Variants in WDFY1 observed in about 807,000 individuals in gnomAD.
WDFY1 encodes WD repeat and FYVE domain-containing protein 1.
In WDFY1, 32 loss-of-function variants were observed where a neutral mutation model predicts 56.4. That is an observed-to-expected ratio of 0.57 (90% confidence interval 0.43 to 0.76). The LOEUF (loss-of-function observed/expected upper bound fraction) is 0.76. Among genes scored for constraint, WDFY1 ranks in the 30% least tolerant of loss-of-function variants. WDFY1 has a pLI of 0.00. For synonymous variants in WDFY1, 192 were observed against 197.3 expected, an observed-to-expected ratio of 0.97 and a Z score of 0.23; for missense variants, 480 against 545.7, an observed-to-expected ratio of 0.88 and a Z score of 1.20.
rs749352226 is a variant in WDFY1 at position 223,945,130 on chromosome 2, G to A, written c.137+18C>T. On this transcript the variant is annotated intron_variant, in intron 1 of 11. Coordinates refer to ENST00000233055, the MANE Select transcript of WDFY1 (RefSeq NM_020830.5). ...TCGTCGCGGAGTTCGGGCCGCCCCG[G>A]CTGCGCCCGGGCCCTACCTGTCCTC... The A allele has an allele frequency of 1.3e-6, 2 of 1,575,150 alleles. No individual in the cohort carries two copies. The highest frequency in any genetic ancestry group is 1.4e-5 in the African/African-American group (1 of 71,532).
At chr2:223,926,499 A>C (rs1287718318) in intron 1 of WDFY1, among the ~76,000 whole-genome samples, 1 of 152,056 alleles carries the variant, frequency 6.6e-6, no homozygotes, top group Non-Finnish European at 1.5e-5. Flanking sequence ...CTACAGAATG[A>C]GTGTTGTATT....
At chr2:223,890,539 G>A (rs1342505043) in intron 8 of WDFY1, among the ~76,000 whole-genome samples, 1 of 152,158 alleles carries the variant, frequency 6.6e-6, no homozygotes, top group Non-Finnish European at 1.5e-5. Context: ...TTAATACTCA[G>A]AATATAGCAT....
chr2:223,943,861 G>T (rs1258724113), intron 1 of WDFY1, among the ~76,000 whole-genome samples: 2 of 152,128 alleles, frequency 1.3e-5, no homozygotes, highest in East Asian at 3.9e-4. Flanking sequence ...CACCAGCCTC[G>T]GCTTCCTCTT....
chr2:223,919,885 C>T (rs1049920247), intron 1 of WDFY1, among the ~76,000 whole-genome samples: 3 of 152,166 alleles, frequency 2.0e-5, no homozygotes, highest in Non-Finnish European at 4.4e-5. Flanking sequence ...CAGGGAGACC[C>T]TCACACACCC....
rs1689393608 is a variant in WDFY1 at position 223,945,286 on chromosome 2, T to C, written c.-2A>G. 1.9e-6 allele frequency: 3 copies of C among 1,568,598 alleles called. No homozygotes were observed. The highest frequency in any genetic ancestry group is 2.5e-5 in the East Asian group (1 of 39,942). The stretch of plus-strand genomic sequence containing the variant: ...CCTGGAGTGGATTTCGGCCGCCATG[T>C]TCGCGCGGCGACTGCTGCGGCCTCC... On this transcript the variant is annotated 5_prime_UTR_variant, in exon 1 of 12. Transcript: ENST00000233055.
chr2:223,919,280 G>A (rs1396661687), intron 1 of WDFY1, among the ~76,000 whole-genome samples: 1 of 152,128 alleles, frequency 6.6e-6, no homozygotes, highest in East Asian at 1.9e-4. Context: ...GCACGATCTC[G>A]GCTCACTGCA....
At chr2:223,909,334 A>G (rs890819273) in intron 3 of WDFY1, among the ~76,000 whole-genome samples, 1 of 152,240 alleles carries the variant, frequency 6.6e-6, no homozygotes, top group East Asian at 1.9e-4. Flanking sequence ...CTCAAGGATC[A>G]TCATTTCCCC....
intron 8 of WDFY1, among the ~76,000 whole-genome samples, chr2:223,887,104 A>G (rs114989616): frequency 1.4e-4 from 21 of 152,304 alleles, no homozygotes; most frequent in African/African-American, 5.1e-4. Flanking sequence ...ATGTGTATCT[A>G]TGTGAGAAAG....
At position 223,945,219 on chromosome 2, in the gene WDFY1, C is replaced by T. The variant is rs1392885628; in HGVS notation, c.66G>A (p.Gly22=). ...GCGCGGCCGTGACGGCGTCCTGGTG[C>T]CCCTCGATCTTGCTCAGCAGCACCG... is the stretch of plus-strand genomic sequence containing the variant. ...SRPVLLSKIE[G]HQDAVTAALL... The change falls in exon 1 of 12, where the codon GGG becomes GGA. Residue 22 remains glycine, a synonymous_variant. Transcript: ENST00000233055. 1 of 1,598,810 alleles carries T rather than the reference C, an allele frequency of 6.3e-7. No homozygotes were observed. Among genetic ancestry groups the T allele is most frequent in the South Asian group, 1.1e-5 (1 of 90,140 alleles).
At chr2:223,878,965 C>T (rs929667896) in intron 11 of WDFY1, among the ~76,000 whole-genome samples, 3 of 152,222 alleles carry the variant, frequency 2.0e-5, no homozygotes, top group Non-Finnish European at 2.9e-5. Context: ...GGGTGTAGCA[C>T]TTGAGCCCAG....
chr2:223,912,137 A>C (rs1197342584), intron 3 of WDFY1, 116 bp downstream of exon 3: 51 of 1,098,130 alleles, frequency 4.6e-5, no homozygotes, highest in Middle Eastern at 2.9e-4. Context: ...TTTTCATGCC[A>C]AACAATCGAG....
chr2:223,884,557 A>C (rs949233382), intron 9 of WDFY1, 91 bp downstream of exon 9: 13 of 1,260,754 alleles, frequency 1.0e-5, no homozygotes, highest in East Asian at 4.7e-5. Context: ...CATTTGCAAA[A>C]ACAAAGTGTG....
chr2:223,940,580 T>C (rs1165545396), intron 1 of WDFY1, among the ~76,000 whole-genome samples: 3 of 152,170 alleles, frequency 2.0e-5, no homozygotes, highest in African/African-American at 7.2e-5. Flanking sequence ...TATCATTTGC[T>C]TGTTTTGAAC....
chr2:223,910,234 T>C (rs576153936), intron 3 of WDFY1, among the ~76,000 whole-genome samples: 1 of 152,312 alleles, frequency 6.6e-6, no homozygotes, highest in East Asian at 1.9e-4. Context: ...AACCCCTCCC[T>C]GATACCACTA....
At chr2:223,944,495 C>CG (rs1170268381) in intron 1 of WDFY1, among the ~76,000 whole-genome samples, 1 of 150,810 alleles carries the variant, frequency 6.6e-6, no homozygotes, top group East Asian at 2.0e-4. Context: ...TTGAGCAGCG[C>CG]GGTGAGACAG....
intron 8 of WDFY1, 110 bp from the exon 9 acceptor site, chr2:223,884,859 C>CTTTTTTT: frequency 1.5e-6 from 1 of 689,262 alleles, no homozygotes; most frequent in South Asian, 2.0e-5. Context: ...TTCTTTTCTT[C>CTTTTTTT]TTTTTTTTTT....
At chr2:223,906,461 CACA>C (rs1251725704) in intron 3 of WDFY1, among the ~76,000 whole-genome samples, 1 of 152,128 alleles carries the variant, frequency 6.6e-6, no homozygotes, top group Admixed American at 6.6e-5. Context: ...AATATACAAA[CACA>C]ACAACAACAA....
intron 2 of WDFY1, among the ~76,000 whole-genome samples, chr2:223,916,668 T>G (rs538980270): frequency 4.6e-5 from 7 of 152,268 alleles, no homozygotes; most frequent in African/African-American, 1.4e-4. Context: ...CATTTGAACT[T>G]TGATGACATC....
intron 7 of WDFY1, 124 bp downstream of exon 7, chr2:223,895,380 C>T: frequency 7.0e-7 from 1 of 1,422,794 alleles, no homozygotes; most frequent in Middle Eastern, 2.5e-4. Flanking sequence ...GAACTGAGCC[C>T]TATCAATGAT....
Sources: allele counts gnomAD v4.1 joint callset (sites outside exome capture counted in the v4.1 genomes callset), GRCh38; gene constraint gnomAD v4.1.1; transcripts MANE v1.5; gene names NCBI Gene and HGNC (gene_info 2026-07-23, HGNC 2026-07-21).